Variants in FLACC1 observed in about 807,000 individuals in gnomAD.
The protein encoded by FLACC1 is flagellum-associated coiled-coil domain-containing protein 1.
Under a neutral mutation model 62.8 loss-of-function variants are expected in FLACC1, and 66 were observed. That is an observed-to-expected ratio of 1.05 (90% CI 0.86 to 1.29). The LOEUF (loss-of-function observed/expected upper bound fraction) is 1.29, where lower values mean the gene tolerates loss of function less well. Ranked by LOEUF, FLACC1 falls within the 50% of genes most tolerant of loss-of-function variation. The pLI is 0.00. For synonymous variants in FLACC1, 156 were observed against 161.0 expected (o/e 0.97, Z 0.24); for missense variants, 452 against 489.1 (o/e 0.92, Z 0.71).
At chr2:201,329,168 T>C (rs1309097074) in intron 9 of FLACC1, among the ~76,000 whole-genome samples, 8 of 152,194 alleles carry the variant, frequency 5.3e-5, no homozygotes, top group South Asian at 2.1e-4. Flanking sequence ...CAAGAAGACA[T>C]ACAGTGGTCA....
intron 9 of FLACC1, among the ~76,000 whole-genome samples, chr2:201,311,158 TAAA>T (rs373798913): frequency 7.6e-6 from 1 of 132,088 alleles, no homozygotes. Flanking sequence ...AATCTAACAC[TAAA>T]AAAAAAAAAA....
chr2:201,291,744 T>A (rs191786716), intron 12 of FLACC1, among the ~76,000 whole-genome samples: 1 of 152,060 alleles, frequency 6.6e-6, no homozygotes, highest in Non-Finnish European at 1.5e-5. Context: ...AAGGAGAAAG[T>A]TCGAACTCAT....
chr2:201,360,589 A>T (rs921411571), upstream of FLACC1, among the ~76,000 whole-genome samples: 2 of 152,158 alleles, frequency 1.3e-5, no homozygotes, highest in African/African-American at 4.8e-5. Context: ...GGCTTTCAAC[A>T]TCTGACTTTA....
chr2:201,313,438 G>C (rs1460401193), intron 9 of FLACC1, among the ~76,000 whole-genome samples: 2 of 152,118 alleles, frequency 1.3e-5, no homozygotes, highest in Admixed American at 6.5e-5. Context: ...GTGACTGCCA[G>C]TTTACCCCTA....
intron 7 of FLACC1, among the ~76,000 whole-genome samples, chr2:201,333,827 C>G (rs1173933730): frequency 1.3e-5 from 2 of 152,042 alleles, no homozygotes; most frequent in African/African-American, 4.8e-5. Flanking sequence ...GGGTTGGTTC[C>G]AAGTCTTTGC....
chr2:201,356,279 G>A (rs1951115358), intron 1 of FLACC1, among the ~76,000 whole-genome samples: 1 of 152,162 alleles, frequency 6.6e-6, no homozygotes, highest in Admixed American at 6.5e-5. Flanking sequence ...TCCTGCCTCA[G>A]CTTCCCCAGT....
chr2:201,342,321 G>A (rs1057402322), intron 7 of FLACC1, 49 bp downstream of exon 7: 1 of 1,592,608 alleles, frequency 6.3e-7, no homozygotes, highest in African/African-American at 1.3e-5. Context: ...AAGGATGCGG[G>A]ACCCTTAGAG....
At chr2:201,300,059 C>G (rs1330711976) in intron 11 of FLACC1, among the ~76,000 whole-genome samples, 2 of 152,160 alleles carry the variant, frequency 1.3e-5, no homozygotes, top group Admixed American at 1.3e-4. Flanking sequence ...CTCACTGGGG[C>G]TTGTCAGACA....
At chr2:201,342,109 C>T (rs953295908) in intron 7 of FLACC1, among the ~76,000 whole-genome samples, 2 of 151,992 alleles carry the variant, frequency 1.3e-5, no homozygotes, top group Admixed American at 6.6e-5. Flanking sequence ...CAGTAACCAA[C>T]AAAAAGGGAG....
chr2:201,310,002 C>A (rs1272114350), intron 9 of FLACC1, among the ~76,000 whole-genome samples: 1 of 150,810 alleles, frequency 6.6e-6, no homozygotes, highest in African/African-American at 2.4e-5. Flanking sequence ...AGAATGTCCA[C>A]TTTTTCTCAG....
chr2:201,337,264 C>A (rs1376171145), intron 7 of FLACC1, among the ~76,000 whole-genome samples: 1 of 152,070 alleles, frequency 6.6e-6, no homozygotes, highest in Non-Finnish European at 1.5e-5. Flanking sequence ...ATTTTTATAG[C>A]TTTGGATCTT....
At position 201,309,293 on chromosome 2, in the gene FLACC1, TGAA is replaced by T. The variant is rs1950167936; in HGVS notation, c.676-46_676-44del. 14 of 1,475,308 alleles carry T rather than the reference TGAA, an allele frequency of 9.5e-6. No individual in the cohort carries two copies. In the East Asian group the frequency reaches 3.2e-4, roughly 33 times the overall value. The allele number at this position is 1,475,308 out of a possible 1,614,324, so 91.4% of individuals were successfully genotyped here. On this transcript the variant is annotated intron_variant, in intron 9 of 14. Coordinates refer to ENST00000392257, the MANE Select transcript of FLACC1 (RefSeq NM_001127391.3). ...CACCATGAAGAAAAGAGTCCTAAAA[TGAA>T]GGTGACCTGGAGAGGCTGTAAAACT...
chr2:201,330,976 T>C, intron 7 of FLACC1, 143 bp from the exon 8 acceptor site: 1 of 569,440 alleles, frequency 1.8e-6, no homozygotes, highest in South Asian at 3.3e-5. Flanking sequence ...TAAATCTTTT[T>C]TTTTTTTTTT....
At chr2:201,315,714 T>A (rs888549165) in intron 9 of FLACC1, among the ~76,000 whole-genome samples, 2 of 152,160 alleles carry the variant, frequency 1.3e-5, no homozygotes, top group Non-Finnish European at 2.9e-5. Context: ...ACTTAAGAGA[T>A]ATTTACAGAA....
At chr2:201,332,550 A>G (rs1275808933) in intron 7 of FLACC1, among the ~76,000 whole-genome samples, 1 of 152,162 alleles carries the variant, frequency 6.6e-6, no homozygotes, top group Non-Finnish European at 1.5e-5. Context: ...GCCCAGCCTA[A>G]AAGTTTTTTC....
Position 201,348,231 on chromosome 2 carries a change from C to T in FLACC1, c.234+23G>A, listed in dbSNP as rs561025094. The T allele has an allele frequency of 5.1e-5, 82 of 1,610,544 alleles. No homozygotes were observed. The South Asian group carries it at 6.1e-4, about 12-fold the overall frequency. ...GGCACTCAATAAATTTTAGTCCCAC[C>T]GCCCTCTCCTGCCTTTACTCACATA... On this transcript the variant is annotated intron_variant, in intron 4 of 14. Coordinates refer to ENST00000392257, the MANE Select transcript of FLACC1 (RefSeq NM_001127391.3).
At chr2:201,309,306 G>C (rs967018191) in intron 9 of FLACC1, 56 bp from the exon 10 acceptor site, 1 of 1,368,284 alleles carries the variant, frequency 7.3e-7, no homozygotes, top group Non-Finnish European at 1.0e-6. Context: ...AGGTGACCTG[G>C]AGAGGCTGTA....
Position 201,335,196 on chromosome 2 carries a change from A to G in FLACC1, c.525-4363T>C, listed in dbSNP as rs1950669080. Among the ~76,000 whole-genome samples the G allele has an allele frequency of 3.9e-5, 6 of 152,192 alleles. No individual in the cohort carries two copies. In the South Asian group the frequency reaches 1.2e-3, roughly 32 times the overall value. ...TCTCTATTTTATTCTTAGTTTAGCT[A>G]AAGGTTTGTTGCTTTTATCTTTTCA... On this transcript the variant is annotated intron_variant, in intron 7 of 14. Transcript: ENST00000392257.
intron 7 of FLACC1, among the ~76,000 whole-genome samples, chr2:201,339,032 T>A (rs577709885): frequency 6.4e-4 from 98 of 152,320 alleles, no homozygotes; most frequent in African/African-American, 2.0e-3. Context: ...TGATAGTGAA[T>A]CCATTTGGTC....
Sources: gnomAD v4.1 joint callset for allele counts (sites outside exome capture counted in the v4.1 genomes callset) on GRCh38, gnomAD v4.1.1 for gene constraint, MANE v1.5 for transcripts, NCBI Gene and HGNC (gene_info 2026-07-23, HGNC 2026-07-21) for gene names.